PTPN4: variants seen among roughly 807,000 people sequenced by gnomAD.
PTPN4 encodes the protein tyrosine-protein phosphatase non-receptor type 4.
In PTPN4, 49 loss-of-function variants were observed where a neutral mutation model predicts 135.5. That is an observed-to-expected ratio of 0.36 (90% CI 0.29 to 0.46). The LOEUF is 0.46. Among genes scored for constraint, PTPN4 ranks in the 20% least tolerant of loss-of-function variants. The pLI, the probability that PTPN4 is intolerant of heterozygous loss-of-function variation, is 1.00. For missense variants in PTPN4, 860 were observed against 1,101.0 expected (o/e 0.78, Z 3.10); for synonymous variants, 333 against 369.9 (o/e 0.90, Z 1.14).
intron 3 of PTPN4, among the ~76,000 whole-genome samples, chr2:119,869,285 A>G (rs1192004235): frequency 1.3e-5 from 2 of 152,196 alleles, no homozygotes; most frequent in African/African-American, 4.8e-5. Flanking sequence ...GGTGATAGAA[A>G]TATCTTGATT....
At chr2:119,779,469 T>C (rs1174040918) in intron 1 of PTPN4, among the ~76,000 whole-genome samples, 2 of 152,012 alleles carry the variant, frequency 1.3e-5, no homozygotes, top group Non-Finnish European at 1.5e-5. Context: ...TACAAAAAAT[T>C]AGCCGGGCAT....
At chr2:119,927,985 T>G (rs546466651) in intron 13 of PTPN4, among the ~76,000 whole-genome samples, 1 of 152,158 alleles carries the variant, frequency 6.6e-6, no homozygotes, top group Non-Finnish European at 1.5e-5. Context: ...TCCAACAGTA[T>G]CAAAGAGCAT....
At chr2:119,773,038 A>G (rs1224225896) in intron 1 of PTPN4, among the ~76,000 whole-genome samples, 5 of 152,184 alleles carry the variant, frequency 3.3e-5, no homozygotes, top group African/African-American at 1.2e-4. Flanking sequence ...ACTTCCTAGC[A>G]ATGGAAAGAA....
rs890909910 is a variant in PTPN4 at position 119,967,744 on chromosome 2, C to G, written c.2559-93C>G. 8 of 1,008,986 alleles carry G rather than the reference C, an allele frequency of 7.9e-6. No homozygotes were observed. In the African/African-American group the frequency reaches 1.1e-4, roughly 14 times the overall value. 62.5% of individuals were successfully genotyped at this position (1,008,986 alleles called of 1,614,324 possible). A position where few individuals can be genotyped will look rare whatever the true frequency, so the allele number is the denominator to read the frequency against. ...ATTAAAATATTAAAATGATATTGTTCTTCTGTGTTATAATTCAGTTTTATG... is the reference window on the plus strand; with the variant it reads ...ATTAAAATATTAAAATGATATTGTTGTTCTGTGTTATAATTCAGTTTTATG... On this transcript the variant is annotated intron_variant, in intron 25 of 26. Coordinates refer to ENST00000263708, the MANE Select transcript of PTPN4 (RefSeq NM_002830.4).
In PTPN4 at chr2:119,957,207, A is replaced by G. The variant is rs1262228285; in HGVS notation, c.2133+130A>G. The G allele has an allele frequency of 7.4e-5, 62 of 840,416 alleles. 1 individual carries two copies. In the South Asian group the frequency reaches 1.2e-3, roughly 16 times the overall value. 52.1% of individuals were successfully genotyped at this position (840,416 alleles called of 1,614,324 possible). ...TTTCAGCTATGAAAAATATTATTGA[A>G]GTAATATTAAAGAAAATATTTTGGT... On this transcript the variant is annotated intron_variant, in intron 22 of 26. Coordinates refer to ENST00000263708, the MANE Select transcript of PTPN4 (RefSeq NM_002830.4).
rs77944034 is a variant in PTPN4 at position 119,785,287 on chromosome 2, C to T, written c.-17-24550C>T. ...GGACCAGCCACATTGATATCACTTG[C>T]GGGACTTACTGAAGTGTTATTTTTT... On this transcript the variant is annotated intron_variant, in intron 1 of 26. Transcript: ENST00000263708. 3.3e-3 allele frequency among the ~76,000 whole-genome samples: 496 copies of T among 152,216 alleles called. 2 individuals carry two copies. The highest frequency in any genetic ancestry group is 0.011 in the African/African-American group (466 of 41,528).
chr2:119,897,040 C>G (rs1356868343), intron 9 of PTPN4, among the ~76,000 whole-genome samples: 2 of 152,144 alleles, frequency 1.3e-5, no homozygotes, highest in African/African-American at 2.4e-5. Context: ...CCCACCTCAG[C>G]CTCTTAAGTA....
chr2:119,879,659 A>G (rs1219845589), intron 5 of PTPN4, among the ~76,000 whole-genome samples: 1 of 152,222 alleles, frequency 6.6e-6, no homozygotes, highest in Non-Finnish European at 1.5e-5. Flanking sequence ...CCAAGGCTAC[A>G]TATTAGCCAA....
chr2:119,903,665 G>A (rs1050660109), intron 10 of PTPN4, among the ~76,000 whole-genome samples: 2 of 151,466 alleles, frequency 1.3e-5, no homozygotes, highest in East Asian at 1.9e-4. Context: ...GGACTGGCTC[G>A]TCCACCCTGC....
In PTPN4 at chr2:119,983,210, C is replaced by T. The variant is rs1432881820; in HGVS notation, c.*6140C>T. On this transcript the variant is annotated 3_prime_UTR_variant, in exon 27 of 27. Transcript: ENST00000263708. ...AGTTTCCAAAATTTAGCAAATATTA[C>T]TTGTGATAAGCTTAAATGCCACATC... is the stretch of plus-strand genomic sequence containing the variant. 1.3e-5 allele frequency: 2 copies of T among 152,142 alleles called. No individual in the cohort carries two copies. The highest frequency in any genetic ancestry group is 4.8e-5 in the African/African-American group (2 of 41,408). 9.4% of individuals were successfully genotyped at this position (152,142 alleles called of 1,614,324 possible). A position where few individuals can be genotyped will look rare whatever the true frequency, so the allele number is the denominator to read the frequency against.
intron 1 of PTPN4, among the ~76,000 whole-genome samples, chr2:119,768,105 AT>A (rs1690667286): frequency 6.6e-6 from 1 of 152,136 alleles, no homozygotes; most frequent in East Asian, 1.9e-4. Context: ...TCATTCATTT[AT>A]ATCAATATAT....
rs996518453 is a variant in PTPN4, at chr2:119,977,220, G to A, written c.*150G>A. ...AAACTTCAGCACTGTTGCACTTTAT[G>A]TTTTAAAAAATGTCACTCTTTCAAA... On this transcript the variant is annotated 3_prime_UTR_variant, in exon 27 of 27. Transcript: ENST00000263708. 9.0e-5 allele frequency: 113 copies of A among 1,249,794 alleles called. No individual in the cohort carries two copies. The highest frequency in any genetic ancestry group is 1.1e-4 in the Non-Finnish European group (111 of 971,174). The allele number at this position is 1,249,794 out of a possible 1,614,324, so 77.4% of individuals were successfully genotyped here. A position where few individuals can be genotyped will look rare whatever the true frequency, so the allele number is the denominator to read the frequency against.
At chr2:119,902,575 A>C (rs1678421908) in intron 10 of PTPN4, among the ~76,000 whole-genome samples, 1 of 152,250 alleles carries the variant, frequency 6.6e-6, no homozygotes, top group Non-Finnish European at 1.5e-5. Context: ...ATCAGCAAGT[A>C]GATAAACACA....
At chr2:119,938,124 A>ATTTTT (rs370292419) in intron 15 of PTPN4, among the ~76,000 whole-genome samples, 9 of 117,766 alleles carry the variant, frequency 7.6e-5, no homozygotes, top group African/African-American at 2.2e-4. Context: ...ATGTGGGATA[A>ATTTTT]TTTTTTTTTT....
chr2:119,960,987 A>C, intron 23 of PTPN4, 34 bp downstream of exon 23: 1 of 1,595,204 alleles, frequency 6.3e-7, no homozygotes, highest in South Asian at 1.1e-5. Flanking sequence ...CATTGCTTGG[A>C]CTTTTTTCAA....
intron 8 of PTPN4, among the ~76,000 whole-genome samples, chr2:119,884,115 G>T (rs113681352): frequency 0.026 from 3,886 of 152,306 alleles, 166 homozygotes; most frequent in African/African-American, 0.087. Context: ...AGCCAGGATG[G>T]TCTTGATCTC....
chr2:119,925,096 A>C (rs975797013), intron 12 of PTPN4, among the ~76,000 whole-genome samples: 1 of 152,116 alleles, frequency 6.6e-6, no homozygotes, highest in African/African-American at 2.4e-5. Flanking sequence ...CAGTGAAGAA[A>C]AATCAGTCTG....
At chr2:119,830,561 C>A (rs548398975) in intron 2 of PTPN4, among the ~76,000 whole-genome samples, 133 of 152,204 alleles carry the variant, frequency 8.7e-4, no homozygotes, top group African/African-American at 3.0e-3. Context: ...CTCAGCCTTC[C>A]AGGTTCAAGC....
intron 2 of PTPN4, among the ~76,000 whole-genome samples, chr2:119,810,449 T>TTGCTCATC (rs933808489): frequency 2.6e-5 from 4 of 152,228 alleles, no homozygotes; most frequent in Admixed American, 2.0e-4. Flanking sequence ...CTAGCTTTGT[T>TTGCTCATC]TGCTCATCGT....
Sources: allele counts gnomAD v4.1 joint callset (sites outside exome capture counted in the v4.1 genomes callset), GRCh38; gene constraint gnomAD v4.1.1; transcripts MANE v1.5; gene names NCBI Gene and HGNC (gene_info 2026-07-23, HGNC 2026-07-21).